SHANK2: variants seen among roughly 807,000 people sequenced by gnomAD.
SHANK2 encodes the protein SH3 and multiple ankyrin repeat domains protein 2.
In SHANK2, 43 loss-of-function variants were observed where a neutral mutation model predicts 133.7. That is an observed-to-expected ratio of 0.32 (90% CI 0.25 to 0.41). The LOEUF (loss-of-function observed/expected upper bound fraction) is 0.41. Among genes scored for constraint, SHANK2 ranks in the 10% least tolerant of loss-of-function variants. The pLI is 1.00. For missense variants in SHANK2, 1,994 were observed against 2,235.8 expected, an observed-to-expected ratio of 0.89 and a Z score of 2.18; for synonymous variants, 1,017 against 952.8, an observed-to-expected ratio of 1.07 and a Z score of -1.24.
chr11:70,550,090 A>G (rs2059746071), intron 17 of SHANK2, among the ~76,000 whole-genome samples: 1 of 152,046 alleles, frequency 6.6e-6, no homozygotes, highest in East Asian at 1.9e-4. Context: ...CAGGCCTACC[A>G]GCTCCCGCCA....
At chr11:70,736,160 ACC>A (rs1406583231) in intron 14 of SHANK2, among the ~76,000 whole-genome samples, 1 of 151,826 alleles carries the variant, frequency 6.6e-6, no homozygotes, top group Non-Finnish European at 1.5e-5. Flanking sequence ...GGGTTCTGAA[ACC>A]ACACACACCT....
At chr11:70,817,549 T>A (rs1421744267) in intron 12 of SHANK2, among the ~76,000 whole-genome samples, 1 of 152,162 alleles carries the variant, frequency 6.6e-6, no homozygotes. Context: ...ACCTGAATGG[T>A]TGGTCACTCT....
intron 2 of SHANK2, among the ~76,000 whole-genome samples, chr11:71,203,678 G>T (rs1954066779): frequency 6.6e-6 from 1 of 152,340 alleles, no homozygotes; most frequent in South Asian, 2.1e-4. Flanking sequence ...AATATCCTGT[G>T]TGGTAAGAGT....
At chr11:71,110,590 G>A (rs1951877900) in intron 5 of SHANK2, among the ~76,000 whole-genome samples, 1 of 152,154 alleles carries the variant, frequency 6.6e-6, no homozygotes, top group African/African-American at 2.4e-5. Context: ...AGAAAGACCT[G>A]TCTCAAAAAA....
intron 14 of SHANK2, among the ~76,000 whole-genome samples, chr11:70,770,725 A>T (rs1315299995): frequency 6.6e-6 from 1 of 152,142 alleles, no homozygotes; most frequent in Non-Finnish European, 1.5e-5. Context: ...CTGAGAATCA[A>T]CTGGAGCATG....
chr11:70,803,731 G>A (rs1387753972), intron 13 of SHANK2, among the ~76,000 whole-genome samples: 1 of 151,646 alleles, frequency 6.6e-6, no homozygotes, highest in Non-Finnish European at 1.5e-5. Context: ...GCCTGATGCT[G>A]GATCTCGCAT....
At chr11:70,601,725 T>C (rs1347040956) in intron 17 of SHANK2, among the ~76,000 whole-genome samples, 1 of 152,110 alleles carries the variant, frequency 6.6e-6, no homozygotes, top group African/African-American at 2.4e-5. Context: ...TGGCAGAAGA[T>C]GAGAATAAGA....
chr11:70,775,349 G>A (rs35114034), intron 14 of SHANK2, among the ~76,000 whole-genome samples: 28,138 of 152,114 alleles, frequency 0.18, 2,957 homozygotes, highest in African/African-American at 0.26. Context: ...CCAGCTACTC[G>A]GGAGGGTGAG....
chr11:70,471,274 A>C lies in SHANK2; in HGVS notation c.*1595T>G, dbSNP rs1358343847. 5 of 398,882 alleles carry C rather than the reference A, an allele frequency of 1.3e-5. No individual in the cohort carries two copies. Among genetic ancestry groups the C allele is most frequent in the African/African-American group, 1.0e-4 (5 of 48,622 alleles). 24.7% of individuals were successfully genotyped at this position (398,882 alleles called of 1,614,324 possible). ...AATCAAGAAAAAAAGGAAAAAAAAA[A>C]AACAAAACCATGTTTTATAATTAGA... On this transcript the variant is annotated 3_prime_UTR_variant, in exon 26 of 26. Coordinates refer to ENST00000601538, the MANE Select transcript of SHANK2 (RefSeq NM_012309.5). The surrounding 1 kb of genome is among the most constrained non-coding windows in gnomAD (Gnocchi z 4.1).
intron 2 of SHANK2, among the ~76,000 whole-genome samples, chr11:71,177,921 G>T (rs575827665): frequency 6.6e-6 from 1 of 152,274 alleles, no homozygotes; most frequent in African/African-American, 2.4e-5. Context: ...AATAATAAGT[G>T]GAAAATGACA....
At chr11:70,865,557 G>A (rs562561210) in intron 11 of SHANK2, among the ~76,000 whole-genome samples, 5 of 152,258 alleles carry the variant, frequency 3.3e-5, no homozygotes, top group Admixed American at 6.5e-5. Context: ...TTCCCCAACC[G>A]CCCATTGGAT....
At chr11:71,098,391 C>T (rs566937244) in intron 6 of SHANK2, among the ~76,000 whole-genome samples, 5 of 152,192 alleles carry the variant, frequency 3.3e-5, no homozygotes, top group East Asian at 1.9e-4. Context: ...ACTGGGCAAG[C>T]GATTCTTCCT....
intron 2 of SHANK2, among the ~76,000 whole-genome samples, chr11:71,160,205 T>C (rs1555109696): frequency 6.6e-6 from 1 of 151,962 alleles, no homozygotes; most frequent in East Asian, 1.9e-4. Context: ...AGTCCCAGGA[T>C]GGGGAAGGGA....
At chr11:71,252,956 A>T (rs968256992), upstream of SHANK2, among the ~76,000 whole-genome samples, 2 of 152,242 alleles carry the variant, frequency 1.3e-5, no homozygotes, top group African/African-American at 4.8e-5. The surrounding 1 kb of genome is among the most constrained non-coding windows in gnomAD (Gnocchi z 6.3). Flanking sequence ...CCCGCCACAG[A>T]GTATTTATAA....
chr11:70,823,007 T>C (rs1483158278), intron 11 of SHANK2, among the ~76,000 whole-genome samples: 4 of 84,782 alleles, frequency 4.7e-5, no homozygotes, highest in Admixed American at 1.5e-4. Context: ...AGAGGTGATG[T>C]TGGCAGAGTT....
intron 14 of SHANK2, among the ~76,000 whole-genome samples, chr11:70,757,567 G>T (rs1279780218): frequency 6.6e-6 from 1 of 152,248 alleles, no homozygotes; most frequent in Non-Finnish European, 1.5e-5. Context: ...CAGGCTGAGG[G>T]TGCCTACGTG....
chr11:70,761,787 C>A (rs1370849269), intron 14 of SHANK2, among the ~76,000 whole-genome samples: 1 of 152,246 alleles, frequency 6.6e-6, no homozygotes. Flanking sequence ...AAGATCTTCA[C>A]GAGTGGCCCT....
chr11:70,703,362 G>A (rs1945584120), intron 14 of SHANK2, among the ~76,000 whole-genome samples: 1 of 152,196 alleles, frequency 6.6e-6, no homozygotes, highest in Admixed American at 6.5e-5. Flanking sequence ...TCTCATGAGC[G>A]ACCCGTGTAA....
chr11:70,897,324 C>A (rs1949950595), intron 10 of SHANK2, among the ~76,000 whole-genome samples: 1 of 152,186 alleles, frequency 6.6e-6, no homozygotes, highest in Admixed American at 6.5e-5. Flanking sequence ...ACAAAAGGAG[C>A]CAGGCATTCA....
Sources: gnomAD v4.1 joint callset for allele counts (sites outside exome capture counted in the v4.1 genomes callset) on GRCh38, gnomAD v4.1.1 for gene constraint, Gnocchi (gnomAD v3.1) non-coding constraint, MANE v1.5 for transcripts, NCBI Gene and HGNC (gene_info 2026-07-23, HGNC 2026-07-21) for gene names.